The following PRKG1 variants were observed in gnomAD, a reference collection of about 807,000 sequenced individuals.
PRKG1 encodes the protein cGMP-dependent protein kinase 1.
In PRKG1, 35 loss-of-function variants were observed where a neutral mutation model predicts 88.1. The observed-to-expected ratio is 0.40, with a 90% CI of 0.30 to 0.53. The LOEUF (loss-of-function observed/expected upper bound fraction) is 0.53. Among genes scored for constraint, PRKG1 ranks in the 20% least tolerant of loss-of-function variants. PRKG1 has a pLI of 0.59. For synonymous variants in PRKG1, 303 were observed against 292.5 expected, an observed-to-expected ratio of 1.04 and a Z score of -0.37; for missense variants, 540 against 839.8, an observed-to-expected ratio of 0.64 and a Z score of 4.41.
At chr10:51,480,604 T>C (rs1429215154) in intron 3 of PRKG1, among the ~76,000 whole-genome samples, 1 of 151,816 alleles carries the variant, frequency 6.6e-6, no homozygotes, top group African/African-American at 2.4e-5. Flanking sequence ...GACCCATGGC[T>C]AACAGCCTTT....
intron 3 of PRKG1, among the ~76,000 whole-genome samples, chr10:51,472,193 T>A (rs1336207070): frequency 6.6e-6 from 1 of 151,928 alleles, no homozygotes; most frequent in East Asian, 1.9e-4. Context: ...GTGTCATAGA[T>A]GTTTTAAGAG....
intron 2 of PRKG1, among the ~76,000 whole-genome samples, chr10:51,455,968 A>G (rs1219952853): frequency 1.3e-5 from 2 of 152,122 alleles, no homozygotes; most frequent in African/African-American, 4.8e-5. Context: ...CCTGGTACCA[A>G]TTCACTATAT....
intron 4 of PRKG1, among the ~76,000 whole-genome samples, chr10:51,863,636 A>G (rs908565529): frequency 6.6e-6 from 1 of 152,118 alleles, no homozygotes; most frequent in African/African-American, 2.4e-5. Flanking sequence ...TATAAATTCC[A>G]TCTCCTGCTC....
intron 2 of PRKG1, among the ~76,000 whole-genome samples, chr10:51,158,949 T>C (rs1392872435): frequency 6.6e-6 from 1 of 152,094 alleles, no homozygotes; most frequent in Non-Finnish European, 1.5e-5. Context: ...CTCATTTCTG[T>C]TGTTATTGAA....
At chr10:52,107,819 C>T (rs1024669908) in intron 7 of PRKG1, among the ~76,000 whole-genome samples, 2 of 152,106 alleles carry the variant, frequency 1.3e-5, no homozygotes, top group African/African-American at 4.8e-5. Context: ...TCCAAAAATT[C>T]TGCTACTTAC....
intron 3 of PRKG1, among the ~76,000 whole-genome samples, chr10:51,738,366 G>A (rs779120680): frequency 1.3e-5 from 2 of 152,168 alleles, no homozygotes; most frequent in Non-Finnish European, 2.9e-5. Flanking sequence ...AGAAGAGCAA[G>A]TCACATCACC....
intron 5 of PRKG1, among the ~76,000 whole-genome samples, chr10:51,991,416 A>T (rs1364847955): frequency 6.6e-6 from 1 of 152,016 alleles, no homozygotes; most frequent in Non-Finnish European, 1.5e-5. Flanking sequence ...GTTCTAGGGT[A>T]CATGTGCACA....
chr10:52,071,081 A>G (rs1347781398), intron 7 of PRKG1, among the ~76,000 whole-genome samples: 1 of 152,206 alleles, frequency 6.6e-6, no homozygotes, highest in African/African-American at 2.4e-5. Context: ...TGTTTGATAA[A>G]TGTGAGGTAT....
chr10:51,640,923 C>T (rs3935422), intron 3 of PRKG1, among the ~76,000 whole-genome samples: 13,600 of 152,116 alleles, frequency 0.089, 805 homozygotes, highest in Admixed American at 0.13. Flanking sequence ...TATTTTTTCA[C>T]GTTTACCTTT....
chr10:52,222,352 A>T (rs1840267474), intron 9 of PRKG1, among the ~76,000 whole-genome samples: 1 of 152,184 alleles, frequency 6.6e-6, no homozygotes, highest in African/African-American at 2.4e-5. Context: ...GGAACCAAAA[A>T]GTCAATCTGT....
chr10:51,113,235 T>C (rs1845021171), intron 1 of PRKG1, among the ~76,000 whole-genome samples: 1 of 152,222 alleles, frequency 6.6e-6, no homozygotes, highest in South Asian at 2.1e-4. Flanking sequence ...AGTGACTAAC[T>C]GAAAGATGCA....
chr10:52,075,761 C>T (rs947106709), intron 7 of PRKG1, among the ~76,000 whole-genome samples: 6 of 152,188 alleles, frequency 3.9e-5, no homozygotes, highest in Non-Finnish European at 5.9e-5. Flanking sequence ...CTCTCCCTGG[C>T]TTGCAGACAC....
intron 3 of PRKG1, among the ~76,000 whole-genome samples, chr10:51,570,067 ATG>A (rs1491127245): frequency 0.024 from 2,768 of 113,094 alleles, 73 homozygotes; most frequent in Non-Finnish European, 0.035. Flanking sequence ...ATATATATAT[ATG>A]TGTGTGTGTG....
intron 1 of PRKG1, among the ~76,000 whole-genome samples, chr10:51,003,526 G>A (rs1219583632): frequency 6.6e-6 from 1 of 152,148 alleles, no homozygotes; most frequent in Non-Finnish European, 1.5e-5. Flanking sequence ...TTAAAAGTCC[G>A]GACATGCTTT....
intron 3 of PRKG1, among the ~76,000 whole-genome samples, chr10:51,618,919 C>A: frequency 6.7e-6 from 1 of 149,508 alleles, no homozygotes; most frequent in African/African-American, 2.5e-5. Flanking sequence ...CAGGTGTAAG[C>A]CACCACACCC....
intron 3 of PRKG1, among the ~76,000 whole-genome samples, chr10:51,607,079 C>G (rs1255979685): frequency 2.6e-5 from 4 of 152,112 alleles, no homozygotes; most frequent in Non-Finnish European, 5.9e-5. Flanking sequence ...ATCCTGAAAG[C>G]GATCTGAAAC....
chr10:51,588,372 G>T (rs199625988), intron 3 of PRKG1, among the ~76,000 whole-genome samples: 11,218 of 140,806 alleles, frequency 0.08, 1,388 homozygotes, highest in African/African-American at 0.27. Flanking sequence ...AATATAAAAA[G>T]GCCTGCAGTT....
At chr10:51,933,114 T>C (rs929050730) in intron 5 of PRKG1, among the ~76,000 whole-genome samples, 2 of 152,122 alleles carry the variant, frequency 1.3e-5, no homozygotes, top group African/African-American at 4.8e-5. Context: ...CAAGATGTCA[T>C]GTGCGGACTA....
chr10:51,016,246 A>G (rs1843057714), intron 1 of PRKG1, among the ~76,000 whole-genome samples: 1 of 152,210 alleles, frequency 6.6e-6, no homozygotes, highest in Non-Finnish European at 1.5e-5. Context: ...CAAGCATTAA[A>G]ACATCAAGTT....
Sources: gnomAD v4.1 joint callset for allele counts (sites outside exome capture counted in the v4.1 genomes callset) on GRCh38, gnomAD v4.1.1 for gene constraint, MANE v1.5 for transcripts, NCBI Gene and HGNC (gene_info 2026-07-23, HGNC 2026-07-21) for gene names.